Variants in CAPG observed in about 807,000 individuals in gnomAD.
CAPG encodes the protein macrophage-capping protein.
In CAPG, 32 loss-of-function variants were observed where a neutral mutation model predicts 44.6. That is an observed-to-expected ratio of 0.72 (90% CI 0.54 to 0.96). The LOEUF (loss-of-function observed/expected upper bound fraction) is 0.96. Ranked by LOEUF, CAPG falls within the 50% of genes least tolerant of loss-of-function variation. The probability of loss-of-function intolerance (pLI) is 0.00; values close to 1 mark genes in which losing one functional copy is unlikely to be tolerated. For synonymous variants in CAPG, 175 were observed against 179.6 expected (o/e 0.97, Z 0.20); for missense variants, 412 against 438.3 (o/e 0.94, Z 0.54).
chr2:85,411,548 CA>C (rs1287903047), upstream of CAPG, among the ~76,000 whole-genome samples: 4 of 152,184 alleles, frequency 2.6e-5, no homozygotes, highest in African/African-American at 4.8e-5. Flanking sequence ...AGAAAGTGAG[CA>C]CCCAGTTATG....
chr2:85,399,740 CTTTT>C (rs765588444), intron 5 of CAPG, among the ~76,000 whole-genome samples: 1 of 127,586 alleles, frequency 7.8e-6, no homozygotes, highest in African/African-American at 3.0e-5. Flanking sequence ...CTTTCTTTTT[CTTTT>C]TTTTTTTTTT....
downstream of CAPG, among the ~76,000 whole-genome samples, chr2:85,392,845 T>C (rs1573168109): frequency 6.6e-6 from 1 of 152,024 alleles, no homozygotes; most frequent in Non-Finnish European, 1.5e-5. Flanking sequence ...GAGTATCAGG[T>C]TGGGTGATTC....
At chr2:85,414,862 C>T (rs1375587152), upstream of CAPG, among the ~76,000 whole-genome samples, 5 of 152,346 alleles carry the variant, frequency 3.3e-5, no homozygotes, top group South Asian at 2.1e-4. Context: ...TGTTGGACAG[C>T]GATGGGTCCA....
In CAPG at chr2:85,401,540, G is replaced by T; in HGVS notation, c.340C>A (p.Leu114Ile). 9 of 1,614,150 alleles carry T rather than the reference G, an allele frequency of 5.6e-6. No homozygotes were observed. Among genetic ancestry groups the T allele is most frequent in the Non-Finnish European group, 7.6e-6 (9 of 1,179,998 alleles). Residue 114 changes from leucine (L) to isoleucine (I), a missense_variant, in exon 4 of 10, where the codon CTC becomes ATC. By Grantham distance (5) the Leu-to-Ile change is conservative. Coordinates refer to ENST00000263867, the MANE Select transcript of CAPG (RefSeq NM_001747.4). ...DLFMSYFPRGLKYQEGGVESA... is the reference protein window; with the variant it reads ...DLFMSYFPRGIKYQEGGVESA... ...AGGTGGGCTCTGACCTGGTACTTGA[G>T]GCCCCGTGGGAAGTAGCTCATGAAG...
At chr2:85,410,470 G>A (rs568236045), upstream of CAPG, 20 of 152,532 alleles carry the variant, frequency 1.3e-4, no homozygotes, top group African/African-American at 4.6e-4. Flanking sequence ...CCCCCGACAG[G>A]GAGGGGCAGG....
In CAPG at chr2:85,401,921, G is replaced by T; in HGVS notation, c.60C>A (p.Gly20=). 6.2e-7 allele frequency: 1 copy of T among 1,614,100 alleles called. No individual in the cohort carries two copies. Among genetic ancestry groups the T allele is most frequent in the Non-Finnish European group, 8.5e-7 (1 of 1,180,022 alleles). Residue 20 remains glycine (G), a synonymous_variant, in exon 3 of 10, where the codon GGC becomes GGA. Coordinates refer to ENST00000263867, the MANE Select transcript of CAPG (RefSeq NM_001747.4). ...GCTTCTCCACCCGCCACACATGCAG[G>T]CCTGGATCCTGCACTGAGCCTGGGA... ...SPFPGSVQDP[G]LHVWRVEKLK...
chr2:85,394,346 C>T (rs1260778129), downstream of CAPG, among the ~76,000 whole-genome samples: 14 of 152,370 alleles, frequency 9.2e-5, no homozygotes, highest in Non-Finnish European at 7.3e-5. Context: ...AATGTGCCTA[C>T]GAAGTAATAA....
chr2:85,404,635 C>T (rs2104824507), intron 1 of CAPG, among the ~76,000 whole-genome samples: 1 of 152,050 alleles, frequency 6.6e-6, no homozygotes, highest in Middle Eastern at 3.4e-3. Context: ...GTAATCCCAG[C>T]TACTTGGGAG....
chr2:85,409,160 GA>G (rs1441319584), intron 1 of CAPG, among the ~76,000 whole-genome samples: 1 of 152,166 alleles, frequency 6.6e-6, no homozygotes, highest in East Asian at 1.9e-4. Context: ...GGTGCTCAAA[GA>G]ATGCATTTGA....
In CAPG at chr2:85,395,634, A is replaced by G; in HGVS notation, c.893-8T>C. On this transcript the variant is annotated splice_region_variant and splice_polypyrimidine_tract_variant and intron_variant, in intron 8 of 9. Transcript: ENST00000263867. This position sits in a 1 kb window ranked among gnomAD's most constrained non-coding sequence, Gnocchi z 4.3. ...TCTCATTCGCTTTTCGCCCTAGATC[A>G]TAGGAAGGAGATTTTTAAAAAGAGC... 6.2e-7 allele frequency: 1 copy of G among 1,609,300 alleles called. No individual in the cohort carries two copies.
chr2:85,401,503 G>A (rs761040798), intron 4 of CAPG, 26 bp downstream of exon 4: 8 of 1,611,798 alleles, frequency 5.0e-6, no homozygotes, highest in Middle Eastern at 1.6e-4. Context: ...GCTGCAGGGT[G>A]GGGGTGCCTA....
chr2:85,405,068 C>T (rs1204544550), intron 1 of CAPG, among the ~76,000 whole-genome samples: 1 of 151,912 alleles, frequency 6.6e-6, no homozygotes, highest in Non-Finnish European at 1.5e-5. Context: ...TATTTAATGG[C>T]TGCTCTAATT....
In CAPG at chr2:85,395,523, T is replaced by C. The variant is rs1268932765; in HGVS notation, c.981+15A>G. 3 of 1,608,664 alleles carry C rather than the reference T, an allele frequency of 1.9e-6. No individual in the cohort carries two copies. Among genetic ancestry groups the C allele is most frequent in the African/African-American group, 1.3e-5 (1 of 74,844 alleles). Reference sequence around the variant, plus strand: ...AGCCCTAGGAAGAGGGCTGTGGTTGTGCGCATCTCCTCACCTGAGTGTTCG... The same window carrying C: ...AGCCCTAGGAAGAGGGCTGTGGTTGCGCGCATCTCCTCACCTGAGTGTTCG... On this transcript the variant is annotated intron_variant, in intron 9 of 9. Transcript: ENST00000263867. The surrounding 1 kb of genome is among the most constrained non-coding windows in gnomAD (Gnocchi z 4.3).
At chr2:85,416,511 CT>C (rs918319981) in intron 1 of CAPG, among the ~76,000 whole-genome samples, 4 of 151,156 alleles carry the variant, frequency 2.6e-5, no homozygotes, top group African/African-American at 2.4e-5. Context: ...CCAAATATTC[CT>C]TTTTTTTTCT....
chr2:85,392,261 AT>A (rs1198358824), downstream of CAPG, among the ~76,000 whole-genome samples: 4 of 152,096 alleles, frequency 2.6e-5, no homozygotes, highest in Non-Finnish European at 5.9e-5. Flanking sequence ...GTGGTGGCGG[AT>A]GCCTGTAGTC....
At chr2:85,412,369 C>CGGG (rs544519394), upstream of CAPG, among the ~76,000 whole-genome samples, 2 of 152,032 alleles carry the variant, frequency 1.3e-5, no homozygotes, top group African/African-American at 4.8e-5. Flanking sequence ...AAAAATTAGC[C>CGGG]GGGGGTGGTG....
At chr2:85,414,430 ATTT>A (rs34698883), upstream of CAPG, among the ~76,000 whole-genome samples, 36 of 129,512 alleles carry the variant, frequency 2.8e-4, no homozygotes, top group Non-Finnish European at 3.5e-4. Context: ...CAGAACTAAG[ATTT>A]TTTTTTTTTT....
intron 1 of CAPG, among the ~76,000 whole-genome samples, chr2:85,415,856 C>CT (rs896784435): frequency 4.0e-5 from 6 of 151,012 alleles, no homozygotes; most frequent in East Asian, 1.9e-4. Flanking sequence ...TTTCTTTTTT[C>CT]TTTTTTTTTA....
Position 85,401,697 on chromosome 2 carries a change from G to A in CAPG, c.197-14C>T, listed in dbSNP as rs564215346. ...ATGACTGCTGGCCTGGGACAAGTGG[G>A]AGAGGGCAGGGCAAGGCCCTTGTGA... On this transcript the variant is annotated splice_polypyrimidine_tract_variant and intron_variant, in intron 3 of 9. Coordinates refer to ENST00000263867, the MANE Select transcript of CAPG (RefSeq NM_001747.4). The A allele has an allele frequency of 9.9e-6, 16 of 1,614,122 alleles. No individual in the cohort carries two copies. The African/African-American group carries it at 1.1e-4, about 11-fold the overall frequency.
Sources: allele counts gnomAD v4.1 joint callset (sites outside exome capture counted in the v4.1 genomes callset), GRCh38; gene constraint gnomAD v4.1.1; non-coding constraint Gnocchi (gnomAD v3.1); transcripts MANE v1.5; gene names NCBI Gene and HGNC (gene_info 2026-07-23, HGNC 2026-07-21).